PTPRT: variants seen among roughly 807,000 people sequenced by gnomAD.
PTPRT encodes the protein protein tyrosine phosphatase receptor type T.
In PTPRT, 56 loss-of-function variants were observed where a neutral mutation model predicts 176.8. That is an observed-to-expected ratio of 0.32 (90% CI 0.26 to 0.40). PTPRT has a LOEUF of 0.40. Among genes scored for constraint, PTPRT ranks in the 10% least tolerant of loss-of-function variants. The pLI is 1.00. For synonymous variants in PTPRT, 783 were observed against 739.0 expected (o/e 1.06, Z -0.96); for missense variants, 1,540 against 1,908.2 (o/e 0.81, Z 3.60).
At chr20:42,369,381 C>T (rs1423139043) in intron 9 of PTPRT, among the ~76,000 whole-genome samples, 2 of 152,186 alleles carry the variant, frequency 1.3e-5, no homozygotes, top group Non-Finnish European at 2.9e-5. Context: ...AAGGAACGCA[C>T]TACCTGTCTC....
At chr20:43,083,699 C>A (rs1488991227) in intron 1 of PTPRT, among the ~76,000 whole-genome samples, 1 of 152,002 alleles carries the variant, frequency 6.6e-6, no homozygotes, top group Non-Finnish European at 1.5e-5. Flanking sequence ...CGGAGTTGTA[C>A]AACAATCACA....
chr20:42,540,644 G>C (rs2072562909), intron 7 of PTPRT, among the ~76,000 whole-genome samples: 1 of 152,116 alleles, frequency 6.6e-6, no homozygotes, highest in Non-Finnish European at 1.5e-5. Flanking sequence ...AATTGGCAAA[G>C]TGTTGGGGCT....
At chr20:42,882,282 A>C (rs1462897893) in intron 2 of PTPRT, among the ~76,000 whole-genome samples, 2 of 152,234 alleles carry the variant, frequency 1.3e-5, no homozygotes, top group Non-Finnish European at 2.9e-5. Flanking sequence ...TGAAATCCAC[A>C]GGCGCATCAT....
At position 42,589,864 on chromosome 20, in the gene PTPRT, G is replaced by A. The variant is rs187515979; in HGVS notation, c.1153+88002C>T. ...TGGCAAATACATATTGAGCACTGTGGCAGATTATATTTTCCAAAGATGGTC... is the reference window on the plus strand; with the variant it reads ...TGGCAAATACATATTGAGCACTGTGACAGATTATATTTTCCAAAGATGGTC... On this transcript the variant is annotated intron_variant, in intron 7 of 30. Coordinates refer to ENST00000373187, the MANE Select transcript of PTPRT (RefSeq NM_007050.6). Among the ~76,000 whole-genome samples the A allele has an allele frequency of 3.3e-5, 5 of 152,178 alleles. No individual in the cohort carries two copies. In the East Asian group the frequency reaches 5.8e-4, roughly 18 times the overall value.
At chr20:43,160,908 T>C (rs1320046363) in intron 1 of PTPRT, among the ~76,000 whole-genome samples, 2 of 140,514 alleles carry the variant, frequency 1.4e-5, no homozygotes, top group Non-Finnish European at 3.1e-5. Context: ...TAGTAACCAG[T>C]GAATTTTCTT....
At chr20:42,159,969 C>T (rs144340089) in intron 17 of PTPRT, among the ~76,000 whole-genome samples, 7 of 152,248 alleles carry the variant, frequency 4.6e-5, no homozygotes, top group Non-Finnish European at 5.9e-5. Context: ...TGACCTCATA[C>T]GACTTCAGAA....
chr20:42,658,573 C>G (rs1246951775), intron 7 of PTPRT, among the ~76,000 whole-genome samples: 1 of 152,184 alleles, frequency 6.6e-6, no homozygotes, highest in African/African-American at 2.4e-5. Flanking sequence ...AATATGTGCA[C>G]TGGGCAACCA....
At chr20:42,363,687 C>T (rs1452208386) in intron 9 of PTPRT, among the ~76,000 whole-genome samples, 1 of 152,096 alleles carries the variant, frequency 6.6e-6, no homozygotes, top group African/African-American at 2.4e-5. Flanking sequence ...AAGCACTTTC[C>T]ACACATTACT....
At chr20:42,435,480 A>G in intron 9 of PTPRT, among the ~76,000 whole-genome samples, 1 of 152,140 alleles carries the variant, frequency 6.6e-6, no homozygotes, top group East Asian at 1.9e-4. Context: ...TCTGCGTGCA[A>G]TAAGCCTGAG....
At chr20:42,716,598 G>A (rs965797659) in intron 6 of PTPRT, among the ~76,000 whole-genome samples, 1 of 150,060 alleles carries the variant, frequency 6.7e-6, no homozygotes, top group Non-Finnish European at 1.5e-5. Flanking sequence ...TGATGGGGTT[G>A]TTTGTTTTTT....
At chr20:42,373,578 T>C (rs572520158) in intron 9 of PTPRT, among the ~76,000 whole-genome samples, 11 of 152,130 alleles carry the variant, frequency 7.2e-5, no homozygotes, top group Non-Finnish European at 1.0e-4. Context: ...CCTCAGACTA[T>C]AAATGAACCT....
At chr20:42,667,826 A>G (rs996820379) in intron 7 of PTPRT, among the ~76,000 whole-genome samples, 10 of 152,220 alleles carry the variant, frequency 6.6e-5, no homozygotes, top group African/African-American at 2.4e-4. Context: ...GGCAGAAAGC[A>G]GAGGCTTTTA....
At chr20:42,710,272 G>T (rs1207301156) in intron 6 of PTPRT, among the ~76,000 whole-genome samples, 1 of 152,188 alleles carries the variant, frequency 6.6e-6, no homozygotes, top group East Asian at 1.9e-4. Flanking sequence ...AGACAATGGG[G>T]GAAAGGCCTT....
rs1036704088 is a variant in PTPRT at position 42,519,489 on chromosome 20, G to C, written c.1154-46927C>G. Among the ~76,000 whole-genome samples the C allele has an allele frequency of 3.3e-5, 5 of 152,080 alleles. No individual in the cohort carries two copies. The South Asian group carries it at 1.0e-3, about 31-fold the overall frequency. ...ATATATAGTAGCTTTATTTAGAGTA[G>C]GCAAGTAGATTTTAATTTATTATGA... On this transcript the variant is annotated intron_variant, in intron 7 of 30. Transcript: ENST00000373187.
intron 7 of PTPRT, among the ~76,000 whole-genome samples, chr20:42,658,310 C>T (rs971973134): frequency 6.6e-6 from 1 of 152,176 alleles, no homozygotes; most frequent in African/African-American, 2.4e-5. Flanking sequence ...CAGCCAGCAG[C>T]CCTGTAACTC....
intron 9 of PTPRT, among the ~76,000 whole-genome samples, chr20:42,409,773 T>C (rs1245882803): frequency 6.6e-6 from 1 of 152,236 alleles, no homozygotes; most frequent in Admixed American, 6.5e-5. Context: ...GCTCTATCTT[T>C]GTAAAGTTTT....
intron 1 of PTPRT, among the ~76,000 whole-genome samples, chr20:43,010,600 C>T (rs779370493): frequency 4.6e-5 from 7 of 152,124 alleles, no homozygotes; most frequent in Non-Finnish European, 8.8e-5. Flanking sequence ...AGTAGCAAAA[C>T]GTATACTGGT....
chr20:42,981,869 G>A (rs1600619294), intron 1 of PTPRT, among the ~76,000 whole-genome samples: 1 of 152,250 alleles, frequency 6.6e-6, no homozygotes, highest in African/African-American at 2.4e-5. Flanking sequence ...GGCTTTGGGT[G>A]TTGGCTAGGA....
intron 9 of PTPRT, among the ~76,000 whole-genome samples, chr20:42,377,349 A>G (rs2058661549): frequency 2.0e-5 from 3 of 152,210 alleles, no homozygotes. Context: ...GAAGGTAAAG[A>G]TGCCCAAAAC....
Sources: allele counts gnomAD v4.1 joint callset (sites outside exome capture counted in the v4.1 genomes callset), GRCh38; gene constraint gnomAD v4.1.1; transcripts MANE v1.5; gene names NCBI Gene and HGNC (gene_info 2026-07-23, HGNC 2026-07-21).